Variants in XKR9 observed in about 807,000 individuals in gnomAD.
XKR9 encodes the protein XK-related protein 9.
In XKR9, 32 loss-of-function variants were observed where a neutral mutation model predicts 32.0. The ratio of observed to expected loss-of-function variants is 1.00; its 90% CI spans 0.76 to 1.34. The LOEUF (loss-of-function observed/expected upper bound fraction) is 1.34. Among genes scored for constraint, XKR9 ranks in the 40% most tolerant of loss-of-function variants. XKR9 has a pLI of 0.00. For missense variants in XKR9, 546 were observed against 429.7 expected, an observed-to-expected ratio of 1.27 and a Z score of -2.39; for synonymous variants, 168 against 143.4, an observed-to-expected ratio of 1.17 and a Z score of -1.22.
chr8:70,689,984 T>C (rs1013110160), intron 3 of XKR9, among the ~76,000 whole-genome samples: 7 of 152,166 alleles, frequency 4.6e-5, no homozygotes, highest in African/African-American at 1.7e-4. Context: ...TTTTTTGAAT[T>C]ATTTAAATAT....
Position 70,695,109 on chromosome 8 carries a change from G to A in XKR9, c.273-11824G>A, listed in dbSNP as rs562845861. ...GGCTCTGTGTTGTTCCCAGGTGGCC[G>A]TTGTCCTGCCTTGTTTTTCTTTTTT... On this transcript the variant is annotated intron_variant, in intron 3 of 4. Coordinates refer to ENST00000408926, the MANE Select transcript of XKR9 (RefSeq NM_001011720.2). Among the ~76,000 whole-genome samples the A allele has an allele frequency of 8.1e-5, 12 of 148,576 alleles. No individual in the cohort carries two copies. In the South Asian group the frequency reaches 1.3e-3, roughly 16 times the overall value.
chr8:70,699,887 T>C (rs1389818040), intron 3 of XKR9, among the ~76,000 whole-genome samples: 8 of 152,192 alleles, frequency 5.3e-5, no homozygotes, highest in Non-Finnish European at 8.8e-5. Flanking sequence ...CGTTTCTTTT[T>C]ATTCTTTTTT....
At chr8:70,884,283 T>C in the XKR9 span, among the ~76,000 whole-genome samples, 1 of 152,172 alleles carries the variant, frequency 6.6e-6, no homozygotes, top group Admixed American at 6.5e-5. Context: ...ATATTAATCC[T>C]TTATTCAATA....
chr8:70,770,355 C>G (rs1469815146), intron 2 of XKR9, among the ~76,000 whole-genome samples: 1 of 152,178 alleles, frequency 6.6e-6, no homozygotes, highest in Admixed American at 6.5e-5. Flanking sequence ...CCATTTGGAG[C>G]TCTTCTGTAT....
At chr8:70,810,901 G>A in the XKR9 span, among the ~76,000 whole-genome samples, 1 of 152,106 alleles carries the variant, frequency 6.6e-6, no homozygotes, top group African/African-American at 2.4e-5. Context: ...AGTTAACAAG[G>A]ATATCCAGGA....
intron 2 of XKR9, among the ~76,000 whole-genome samples, chr8:70,757,564 T>TATGTATGC (rs1418738085): frequency 6.7e-6 from 1 of 149,894 alleles, no homozygotes; most frequent in Admixed American, 6.6e-5. Flanking sequence ...TGTATGTATG[T>TATGTATGC]ATGTATGTAT....
At chr8:70,726,491 C>G (rs1354195197) in intron 4 of XKR9, among the ~76,000 whole-genome samples, 3 of 152,086 alleles carry the variant, frequency 2.0e-5, no homozygotes, top group African/African-American at 4.8e-5. Flanking sequence ...AACTCTTGCA[C>G]CCAGATTAGC....
In XKR9 at chr8:70,720,495, G is replaced by C. The variant is rs569040783; in HGVS notation, c.494-13301G>C. ...TTCATCAATACCTAGTTTATTGAGTGTTTTTAGCATGAAGGGGTGTTGAAT... is the reference window on the plus strand; with the variant it reads ...TTCATCAATACCTAGTTTATTGAGTCTTTTTAGCATGAAGGGGTGTTGAAT... On this transcript the variant is annotated intron_variant, in intron 4 of 4. Transcript: ENST00000408926. 5.3e-5 allele frequency among the ~76,000 whole-genome samples: 8 copies of C among 152,268 alleles called. No individual in the cohort carries two copies. In the East Asian group the frequency reaches 1.5e-3, roughly 29 times the overall value.
chr8:70,681,332 T>C lies in XKR9; in HGVS notation c.272+2T>C. 6.2e-7 allele frequency: 1 copy of C among 1,607,972 alleles called. No homozygotes were observed. Among genetic ancestry groups the C allele is most frequent in the East Asian group, 2.2e-5 (1 of 44,726 alleles). ...CTTGCAAGGAGGAGTTTTTACAAGG[T>C]GAGCATACATGTTTAATCATTACCA... On this transcript the variant is annotated splice_donor_variant, in intron 3 of 4. Transcript: ENST00000408926. LOFTEE classifies it high-confidence loss of function.
intron 4 of XKR9, among the ~76,000 whole-genome samples, chr8:70,715,981 A>G (rs950426730): frequency 6.6e-6 from 1 of 152,068 alleles, no homozygotes; most frequent in African/African-American, 2.4e-5. Context: ...ATGAGAGTAA[A>G]CCAAGAAAGA....
At chr8:70,865,436 T>C in the XKR9 span, among the ~76,000 whole-genome samples, 1 of 152,104 alleles carries the variant, frequency 6.6e-6, no homozygotes, top group African/African-American at 2.4e-5. Flanking sequence ...GAGCTTATAG[T>C]TCCGGTGTAA....
chr8:71,033,352 T>C, the XKR9 span, among the ~76,000 whole-genome samples: 3 of 152,280 alleles, frequency 2.0e-5, no homozygotes, highest in East Asian at 3.9e-4. Flanking sequence ...AGTTAACACA[T>C]GTGAAGGCTT....
At position 70,680,886 on chromosome 8, in the gene XKR9, C is replaced by CT. The variant is rs1205646670; in HGVS notation, c.-170dup. Reference sequence around the variant, plus strand: ...TAGAAAAGAAAGTCAAAATTAGTCACTTTAGTGTTAGTGTTCCCATTTCAT... The same window carrying CT: ...TAGAAAAGAAAGTCAAAATTAGTCACTTTTAGTGTTAGTGTTCCCATTTCAT... On this transcript the variant is annotated 5_prime_UTR_variant, in exon 3 of 5. Coordinates refer to ENST00000408926, the MANE Select transcript of XKR9 (RefSeq NM_001011720.2). The CT allele has an allele frequency of 1.3e-5, 7 of 558,632 alleles. No individual in the cohort carries two copies. In the East Asian group the frequency reaches 2.1e-4, roughly 17 times the overall value. 34.6% of individuals were successfully genotyped at this position (558,632 alleles called of 1,614,324 possible).
Position 70,704,777 on chromosome 8 carries a change from A to G in XKR9, c.273-2156A>G, listed in dbSNP as rs1313442159. Among the ~76,000 whole-genome samples, 3 of 152,212 alleles carry G rather than the reference A, an allele frequency of 2.0e-5. No homozygotes were observed. The East Asian group carries it at 5.8e-4, about 29-fold the overall frequency. Reference sequence around the variant, plus strand: ...CAAGAACAGGAATCACATACTCTCTACTATGTCAGATACCCAGAAAAGGCT... The same window carrying G: ...CAAGAACAGGAATCACATACTCTCTGCTATGTCAGATACCCAGAAAAGGCT... On this transcript the variant is annotated intron_variant, in intron 3 of 4. Coordinates refer to ENST00000408926, the MANE Select transcript of XKR9 (RefSeq NM_001011720.2).
At chr8:70,975,771 C>A in the XKR9 span, among the ~76,000 whole-genome samples, 63 of 152,202 alleles carry the variant, frequency 4.1e-4, no homozygotes, top group African/African-American at 1.2e-3. Context: ...TTTTCCAATT[C>A]TGTGAAGAAA....
the XKR9 span, among the ~76,000 whole-genome samples, chr8:70,960,409 A>G: frequency 2.0e-5 from 3 of 152,168 alleles, no homozygotes; most frequent in Admixed American, 6.6e-5. Context: ...GCCTGGACAC[A>G]TGACCTAGAC....
At chr8:70,961,466 C>G in the XKR9 span, among the ~76,000 whole-genome samples, 11 of 152,090 alleles carry the variant, frequency 7.2e-5, no homozygotes, top group Non-Finnish European at 5.9e-5. Flanking sequence ...GAAATGGGGA[C>G]GTGTTTGGAC....
At chr8:70,970,686 G>T in the XKR9 span, among the ~76,000 whole-genome samples, 1 of 152,160 alleles carries the variant, frequency 6.6e-6, no homozygotes, top group Admixed American at 6.5e-5. Context: ...TGGTGTATAT[G>T]TGCCACATTT....
At chr8:70,992,898 C>T in the XKR9 span, among the ~76,000 whole-genome samples, 1 of 152,216 alleles carries the variant, frequency 6.6e-6, no homozygotes, top group Non-Finnish European at 1.5e-5. Context: ...CTGGACTCTG[C>T]TGTCTTCTTC....
Sources: allele counts gnomAD v4.1 joint callset (sites outside exome capture counted in the v4.1 genomes callset), GRCh38; gene constraint gnomAD v4.1.1; transcripts MANE v1.5; gene names NCBI Gene and HGNC (gene_info 2026-07-23, HGNC 2026-07-21).